TREH: variants seen among roughly 807,000 people sequenced by gnomAD.
The protein encoded by TREH is trehalase, also known as alpha,alpha-trehalose glucohydrolase.
Under a neutral mutation model 80.5 loss-of-function variants are expected in TREH, and 69 were observed. The ratio of observed to expected loss-of-function variants is 0.86; its 90% CI spans 0.71 to 1.05. The LOEUF (loss-of-function observed/expected upper bound fraction) is 1.05, where lower values mean the gene tolerates loss of function less well. Ranked by LOEUF, TREH falls within the 50% of genes least tolerant of loss-of-function variation. The probability of loss-of-function intolerance (pLI) is 0.00; values close to 1 mark genes in which losing one functional copy is unlikely to be tolerated. For synonymous variants in TREH, 309 were observed against 293.5 expected (o/e 1.05, Z -0.54); for missense variants, 716 against 718.8 (o/e 1.00, Z 0.04).
chr11:118,659,115 G>A (rs1949271366), intron 12 of TREH, 98 bp from the exon 13 acceptor site: 1 of 1,307,666 alleles, frequency 7.6e-7, no homozygotes, highest in African/African-American at 1.5e-5. Flanking sequence ...AAGAGGCCTG[G>A]GCCCTAAGAC....
chr11:118,659,301 C>G, intron 12 of TREH, 69 bp downstream of exon 12: 1 of 1,334,918 alleles, frequency 7.5e-7, no homozygotes, highest in Non-Finnish European at 1.0e-6. Flanking sequence ...TCATGCCTCC[C>G]CAGCACCAGG....
chr11:118,659,033 G>T lies in TREH; in HGVS notation c.1433-16C>A. On this transcript the variant is annotated splice_polypyrimidine_tract_variant and intron_variant, in intron 12 of 14. Transcript: ENST00000264029. The stretch of plus-strand genomic sequence containing the variant: ...TTGGCCAGGCCTAGACCCCATTGCA[G>T]GCAGGACTCAACCTCCAGGTCTCCC... The T allele has an allele frequency of 6.2e-7, 1 of 1,611,892 alleles. No homozygotes were observed. The highest frequency in any genetic ancestry group is 8.5e-7 in the Non-Finnish European group (1 of 1,178,392).
intron 13 of TREH, 26 bp from the exon 14 acceptor site, chr11:118,658,759 G>T (rs782431615): frequency 1.2e-6 from 2 of 1,609,726 alleles, no homozygotes; most frequent in East Asian, 4.5e-5. Context: ...TGGGCTGTAT[G>T]TCAGGTACTG....
chr11:118,676,790 AAAC>A (rs1555146913), intron 1 of TREH, among the ~76,000 whole-genome samples: 1 of 151,984 alleles, frequency 6.6e-6, no homozygotes, highest in Non-Finnish European at 1.5e-5. Flanking sequence ...AGAAAGAAAA[AAAC>A]AACAACAAAA....
rs1232500975 is a variant in TREH, at chr11:118,658,667, CT to C, written c.1599+12del. Reference sequence around the variant, plus strand: ...TTCCCTGGTGTTGGCCAGCCCACCCCTGGCCTGCTCACCTGAACTTCATATT... The same window carrying C: ...TTCCCTGGTGTTGGCCAGCCCACCCCGGCCTGCTCACCTGAACTTCATATT... On this transcript the variant is annotated intron_variant, in intron 14 of 14. Transcript: ENST00000264029. The C allele has an allele frequency of 2.5e-6, 4 of 1,581,232 alleles. No individual in the cohort carries two copies. Among genetic ancestry groups the C allele is most frequent in the East Asian group, 2.3e-5 (1 of 42,858 alleles).
rs782593099 is a variant in TREH, at chr11:118,658,885, GA to G, written c.1545+19del. ...CACTGGGACAGCCTGGGGGTGCAGG[GA>G]GGGCTTGGGCCAGCTCACCTTCTCA... On this transcript the variant is annotated intron_variant, in intron 13 of 14. Transcript: ENST00000264029. 3 of 1,613,226 alleles carry G rather than the reference GA, an allele frequency of 1.9e-6. No individual in the cohort carries two copies. The highest frequency in any genetic ancestry group is 3.3e-5 in the Admixed American group (2 of 60,018).
chr11:118,673,378 C>A (rs1949447665), intron 1 of TREH, among the ~76,000 whole-genome samples: 1 of 152,232 alleles, frequency 6.6e-6, no homozygotes, highest in Non-Finnish European at 1.5e-5. Flanking sequence ...CATCAGTCCA[C>A]CTTGCCAGGT....
At position 118,660,848 on chromosome 11, in the gene TREH, C is replaced by T; in HGVS notation, c.907+18G>A. The T allele has an allele frequency of 6.4e-7, 1 of 1,561,702 alleles. No individual in the cohort carries two copies. Among genetic ancestry groups the T allele is most frequent in the East Asian group, 2.4e-5 (1 of 41,730 alleles). On this transcript the variant is annotated intron_variant, in intron 9 of 14. Coordinates refer to ENST00000264029, the MANE Select transcript of TREH (RefSeq NM_007180.3). ...AGCTGCCCTGCCCCCAGCCCTCCCT[C>T]ACCCTCCTGCTGCTCACCTTCTGGC...
At position 118,658,911 on chromosome 11, in the gene TREH, A is replaced by G; in HGVS notation, c.1539T>C (p.Tyr513=). 1.2e-6 allele frequency: 2 copies of G among 1,613,912 alleles called. No individual in the cohort carries two copies. The highest frequency in any genetic ancestry group is 1.7e-6 in the Non-Finnish European group (2 of 1,179,836). ...AGGGCTTGGGCCAGCTCACCTTCTC[A>G]TACATGGCTGACTTCTGCGAGTAGA... ...FDVYSQKSAM[Y]EKYDVSNGGQ... Residue 513 remains tyrosine, a synonymous_variant, in exon 13 of 15, where the codon TAT becomes TAC. Coordinates refer to ENST00000264029, the MANE Select transcript of TREH (RefSeq NM_007180.3).
chr11:118,662,540 T>C (rs1047999607), intron 4 of TREH, among the ~76,000 whole-genome samples: 3 of 152,238 alleles, frequency 2.0e-5, no homozygotes, highest in African/African-American at 7.2e-5. Flanking sequence ...GACGGAGGCC[T>C]GGCCCAGGAG....
In TREH at chr11:118,658,369, C is replaced by T. The variant is rs6589671; in HGVS notation, c.1672G>A (p.Ala558Thr). ...DRYGDRLTSG[A>T]KLAFLEPHCL... ...TGGGGCTCCAGGAAAGCCAGCTTGG[C>T]CCCTGAGGTCAGCCGGTCACCATAG... The change falls in exon 15 of 15, where the codon GCC becomes ACC. Residue 558 changes from alanine to threonine, a missense_variant. Transcript: ENST00000264029. The T allele has an allele frequency of 2.8e-5, 45 of 1,606,880 alleles. No individual in the cohort carries two copies. The highest frequency in any genetic ancestry group is 3.2e-5 in the Non-Finnish European group (38 of 1,177,500).
Position 118,661,467 on chromosome 11 carries a change from C to T in TREH, c.660G>A (p.Gln220=). ...GGGTCAAGAGTGGGGGCTGGCTCCG[C>T]TGCAGGTAGTACACGCGCCCACCAT... is the stretch of plus-strand genomic sequence containing the variant. ...VPNGGRVYYL[Q]RSQPPLLTLM... Residue 220 remains glutamine (Q), a synonymous_variant, in exon 7 of 15, where the codon CAG becomes CAA. Coordinates refer to ENST00000264029, the MANE Select transcript of TREH (RefSeq NM_007180.3). This position sits in a 1 kb window ranked among gnomAD's most constrained non-coding sequence, Gnocchi z 4.2. The T allele has an allele frequency of 6.2e-7, 1 of 1,613,852 alleles. No individual in the cohort carries two copies. The highest frequency in any genetic ancestry group is 8.5e-7 in the Non-Finnish European group (1 of 1,179,836).
At chr11:118,662,549 A>G (rs1555145185) in intron 4 of TREH, among the ~76,000 whole-genome samples, 1 of 152,226 alleles carries the variant, frequency 6.6e-6, no homozygotes, top group African/African-American at 2.4e-5. Context: ...CTGGCCCAGG[A>G]GCTCAGGGAA....
At position 118,661,662 on chromosome 11, in the gene TREH, G is replaced by A; in HGVS notation, c.592C>T (p.Gln198Ter). Reference protein sequence around the residue: ...EMAETVKGMLQNFLDLVKTYG... With the variant: ...EMAETVKGML ...GTTTTCACCAGGTCCAAGAAGTTCT[G>A]CAGCATGCCCTTCACCGTCTCAGCC... The change falls in exon 6 of 15, where the codon CAG (glutamine) becomes TAG (stop). Residue 198 changes from glutamine to a stop codon, truncating the protein, a stop_gained. Transcript: ENST00000264029. LOFTEE classifies it high-confidence loss of function. This position sits in a 1 kb window ranked among gnomAD's most constrained non-coding sequence, Gnocchi z 4.2. 1 of 1,613,972 alleles carries A rather than the reference G, an allele frequency of 6.2e-7. No homozygotes were observed. The highest frequency in any genetic ancestry group is 2.2e-5 in the East Asian group (1 of 44,886).
chr11:118,658,460 T>G lies in TREH; in HGVS notation c.1600-19A>C, dbSNP rs1245790239. ...ATCCCTCCTGGGAGAGGCAGGGCAG[T>G]GGGGCCAGTTTCTGGGGAAGCCTCA... On this transcript the variant is annotated intron_variant, in intron 14 of 14. Coordinates refer to ENST00000264029, the MANE Select transcript of TREH (RefSeq NM_007180.3). 2 of 1,609,112 alleles carry G rather than the reference T, an allele frequency of 1.2e-6. No individual in the cohort carries two copies. The highest frequency in any genetic ancestry group is 4.5e-5 in the East Asian group (2 of 44,832).
At chr11:118,671,690 C>T (rs1032733423) in intron 1 of TREH, among the ~76,000 whole-genome samples, 8 of 152,052 alleles carry the variant, frequency 5.3e-5, no homozygotes, top group Non-Finnish European at 8.8e-5. Flanking sequence ...TATCCAAGAA[C>T]AAGAAGGTTA....
intron 1 of TREH, among the ~76,000 whole-genome samples, chr11:118,677,909 C>G (rs1949495241): frequency 6.6e-6 from 1 of 152,184 alleles, no homozygotes; most frequent in South Asian, 2.1e-4. Flanking sequence ...TACAATTGCT[C>G]AGGACAAAAC....
Position 118,659,978 on chromosome 11 carries a change from G to T in TREH, c.1103-14C>A. On this transcript the variant is annotated splice_polypyrimidine_tract_variant and intron_variant, in intron 10 of 14. Coordinates refer to ENST00000264029, the MANE Select transcript of TREH (RefSeq NM_007180.3). Reference sequence around the variant, plus strand: ...GGGAGTCGTTCCCTGGGGCAGTGCTGCCTTTAGAGCCAGCAGCCAGTGCCC... The same window carrying T: ...GGGAGTCGTTCCCTGGGGCAGTGCTTCCTTTAGAGCCAGCAGCCAGTGCCC... 6.5e-7 allele frequency: 1 copy of T among 1,549,498 alleles called. No individual in the cohort carries two copies. Among genetic ancestry groups the T allele is most frequent in the Non-Finnish European group, 8.7e-7 (1 of 1,146,388 alleles).
intron 1 of TREH, 105 bp from the exon 2 acceptor site, chr11:118,663,544 G>A (rs1269415527): frequency 3.3e-6 from 3 of 909,914 alleles, no homozygotes; most frequent in African/African-American, 3.3e-5. Context: ...TGTTCCCTGG[G>A]ACTGGACAAG....
Sources: allele counts gnomAD v4.1 joint callset (sites outside exome capture counted in the v4.1 genomes callset), GRCh38; gene constraint gnomAD v4.1.1; non-coding constraint Gnocchi (gnomAD v3.1); transcripts MANE v1.5; gene names NCBI Gene and HGNC (gene_info 2026-07-23, HGNC 2026-07-21).